GALM: variants seen among roughly 807,000 people sequenced by gnomAD.
GALM encodes the protein aldose 1-epimerase.
A neutral mutation model predicts 37.4 loss-of-function variants in GALM; 43 were observed. That is an observed-to-expected ratio of 1.15 (90% CI 0.90 to 1.48). The LOEUF (loss-of-function observed/expected upper bound fraction) is 1.48, where lower values mean the gene tolerates loss of function less well. Among genes scored for constraint, GALM ranks in the 40% most tolerant of loss-of-function variants. The probability of loss-of-function intolerance (pLI) is 0.00; values close to 1 mark genes in which losing one functional copy is unlikely to be tolerated. For synonymous variants in GALM, 199 were observed against 170.6 expected (o/e 1.17, Z -1.30); for missense variants, 456 against 419.1 (o/e 1.09, Z -0.77).
rs576029745 is a variant in GALM at position 38,733,845 on chromosome 2, A to G, written c.*280A>G. 51 of 419,980 alleles carry G rather than the reference A, an allele frequency of 1.2e-4. No homozygotes were observed. The highest frequency in any genetic ancestry group is 2.0e-4 in the Non-Finnish European group (46 of 225,868). 26.0% of individuals were successfully genotyped at this position (419,980 alleles called of 1,614,324 possible). A position where few individuals can be genotyped will look rare whatever the true frequency, so the allele number is the denominator to read the frequency against. On this transcript the variant is annotated 3_prime_UTR_variant, in exon 7 of 7. Transcript: ENST00000272252. ...GCCCTGACCCTAGCCAGGGACTCCCATGCTGCTGTTGGCTCCATCTCTCCA... is the reference window on the plus strand; with the variant it reads ...GCCCTGACCCTAGCCAGGGACTCCCGTGCTGCTGTTGGCTCCATCTCTCCA...
intron 4 of GALM, among the ~76,000 whole-genome samples, chr2:38,722,170 G>A (rs1356049229): frequency 6.6e-6 from 1 of 151,406 alleles, no homozygotes; most frequent in Non-Finnish European, 1.5e-5. Flanking sequence ...GACCAGCCTG[G>A]CCAACATGGT....
intron 4 of GALM, among the ~76,000 whole-genome samples, chr2:38,725,996 G>C (rs376461665): frequency 3.3e-5 from 5 of 152,114 alleles, no homozygotes; most frequent in African/African-American, 9.6e-5. Flanking sequence ...ACAGGCATGA[G>C]CCACCATGCA....
intron 4 of GALM, among the ~76,000 whole-genome samples, chr2:38,716,299 C>T (rs1666269582): frequency 6.6e-6 from 1 of 152,200 alleles, no homozygotes; most frequent in Admixed American, 6.5e-5. Context: ...ATGGAGGAAT[C>T]ATAAACAGTC....
At chr2:38,698,802 T>A (rs1182463893) in intron 4 of GALM, among the ~76,000 whole-genome samples, 5 of 152,228 alleles carry the variant, frequency 3.3e-5, no homozygotes, top group Admixed American at 3.3e-4. Context: ...TGAGATGGGG[T>A]CTCACTATGT....
At chr2:38,668,821 T>TA (rs145021491) in intron 1 of GALM, 1 of 151,762 alleles carries the variant, frequency 6.6e-6, no homozygotes, top group African/African-American at 2.4e-5. Context: ...AAAATTTTTT[T>TA]AAATACTTGA....
intron 1 of GALM, among the ~76,000 whole-genome samples, chr2:38,674,525 A>G (rs1267848242): frequency 6.6e-6 from 1 of 152,208 alleles, no homozygotes; most frequent in African/African-American, 2.4e-5. Flanking sequence ...ATGTATAATA[A>G]TAACATGAAC....
At chr2:38,712,643 A>G (rs1299306483) in intron 4 of GALM, among the ~76,000 whole-genome samples, 1 of 152,214 alleles carries the variant, frequency 6.6e-6, no homozygotes, top group East Asian at 1.9e-4. Context: ...CCTGGGCTTC[A>G]GGGCTCCCTG....
rs576734032 is a variant in GALM, at chr2:38,690,438, G to C, written c.634+544G>C. Reference sequence around the variant, plus strand: ...TTTGTTTTAGCTGGCTTTTTTGGGAGGGGGGCGGTGCGGGAGGGGATAGGG... The same window carrying C: ...TTTGTTTTAGCTGGCTTTTTTGGGACGGGGGCGGTGCGGGAGGGGATAGGG... On this transcript the variant is annotated intron_variant, in intron 4 of 6. Coordinates refer to ENST00000272252, the MANE Select transcript of GALM (RefSeq NM_138801.3). Among the ~76,000 whole-genome samples the C allele has an allele frequency of 3.9e-5, 6 of 152,054 alleles. No individual in the cohort carries two copies. In the South Asian group the frequency reaches 1.0e-3, roughly 26 times the overall value.
At chr2:38,727,393 C>G (rs1666507561) in intron 4 of GALM, among the ~76,000 whole-genome samples, 1 of 151,964 alleles carries the variant, frequency 6.6e-6, no homozygotes, top group Admixed American at 6.6e-5. Context: ...AGTCTTCAGG[C>G]ACTAGGAAGA....
chr2:38,726,617 G>A (rs562072144), intron 4 of GALM, among the ~76,000 whole-genome samples: 4 of 152,170 alleles, frequency 2.6e-5, no homozygotes, highest in South Asian at 2.1e-4. Context: ...AATGCAAGCC[G>A]AAGTAGTCTC....
In GALM at chr2:38,676,067, G is replaced by GT. The variant is rs755573157; in HGVS notation, c.345+2dup. On this transcript the variant is annotated splice_donor_variant, in intron 2 of 6. Coordinates refer to ENST00000272252, the MANE Select transcript of GALM (RefSeq NM_138801.3). LOFTEE classifies it high-confidence loss of function. The stretch of plus-strand genomic sequence containing the variant: ...TGGAGGAGTCAGAGGGTTTGATAAA[G>GT]TAAGTACGGCACATGTGACTGAGTT... 1 of 1,613,948 alleles carries GT rather than the reference G, an allele frequency of 6.2e-7. No individual in the cohort carries two copies. Among genetic ancestry groups the GT allele is most frequent in the Non-Finnish European group, 8.5e-7 (1 of 1,179,938 alleles).
intron 4 of GALM, among the ~76,000 whole-genome samples, chr2:38,693,537 C>CATT (rs1166705300): frequency 6.6e-6 from 1 of 151,520 alleles, no homozygotes; most frequent in East Asian, 1.9e-4. Flanking sequence ...AGCCATACTC[C>CATT]ATTAAGACTT....
intron 4 of GALM, among the ~76,000 whole-genome samples, chr2:38,708,731 GAAAAA>G (rs35151264): frequency 2.2e-5 from 2 of 91,530 alleles, no homozygotes; most frequent in African/African-American, 6.9e-5. Context: ...TCTGTCTCAA[GAAAAA>G]AAAAAAAAAA....
intron 2 of GALM, among the ~76,000 whole-genome samples, chr2:38,678,582 T>A (rs1316881560): frequency 6.6e-6 from 1 of 152,258 alleles, no homozygotes; most frequent in Non-Finnish European, 1.5e-5. Flanking sequence ...ATTTCTTTTT[T>A]AATTACACAT....
intron 1 of GALM, among the ~76,000 whole-genome samples, chr2:38,675,521 T>A (rs1340927351): frequency 9.6e-6 from 1 of 103,796 alleles, no homozygotes. Context: ...ATTGAGGGTT[T>A]TTTTGTTTTT....
intron 4 of GALM, among the ~76,000 whole-genome samples, chr2:38,725,834 A>C (rs1666475076): frequency 6.6e-6 from 1 of 151,716 alleles, no homozygotes; most frequent in Admixed American, 6.6e-5. Context: ...GCCTCAGTCT[A>C]CTGAGTAGCT....
At chr2:38,672,638 T>G (rs1665138987) in intron 1 of GALM, among the ~76,000 whole-genome samples, 1 of 152,200 alleles carries the variant, frequency 6.6e-6, no homozygotes, top group Non-Finnish European at 1.5e-5. Flanking sequence ...GGCAAGTTAT[T>G]TAACTTTTCT....
At chr2:38,675,775 T>G in intron 1 of GALM, 137 bp from the exon 2 acceptor site, 1 of 757,946 alleles carries the variant, frequency 1.3e-6, no homozygotes, top group Non-Finnish European at 2.2e-6. Context: ...TTCACCGTGT[T>G]AGCCAGGATG....
chr2:38,734,210 A>G lies in GALM; in HGVS notation c.*645A>G, dbSNP rs1666661563. The G allele has an allele frequency of 6.4e-6, 1 of 155,898 alleles. No homozygotes were observed. The highest frequency in any genetic ancestry group is 2.4e-5 in the African/African-American group (1 of 41,436). 9.7% of individuals were successfully genotyped at this position (155,898 alleles called of 1,614,324 possible). A position where few individuals can be genotyped will look rare whatever the true frequency, so the allele number is the denominator to read the frequency against. On this transcript the variant is annotated 3_prime_UTR_variant, in exon 7 of 7. Transcript: ENST00000272252. ...TCAGGAGATCGAGACCATCCTGGCTAACACGGTGAAACCCCGTCTCTACAT... is the reference window on the plus strand; with the variant it reads ...TCAGGAGATCGAGACCATCCTGGCTGACACGGTGAAACCCCGTCTCTACAT...
Sources: gnomAD v4.1 joint callset for allele counts (sites outside exome capture counted in the v4.1 genomes callset) on GRCh38, gnomAD v4.1.1 for gene constraint, MANE v1.5 for transcripts, NCBI Gene and HGNC (gene_info 2026-07-23, HGNC 2026-07-21) for gene names.